LRRK1: variants seen among roughly 807,000 people sequenced by gnomAD.
LRRK1 encodes leucine rich repeat kinase 1, also known as leucine-rich repeat serine/threonine-protein kinase 1.
A neutral mutation model predicts 209.1 loss-of-function variants in LRRK1; 113 were observed. The ratio of observed to expected loss-of-function variants is 0.54; its 90% CI spans 0.46 to 0.63. The LOEUF (loss-of-function observed/expected upper bound fraction) is 0.63. Ranked by LOEUF, LRRK1 falls within the 30% of genes least tolerant of loss-of-function variation. LRRK1 has a pLI of 0.00. For synonymous variants in LRRK1, 1,144 were observed against 1,099.7 expected, an observed-to-expected ratio of 1.04 and a Z score of -0.80; for missense variants, 2,284 against 2,632.2, an observed-to-expected ratio of 0.87 and a Z score of 2.89.
rs2033943033 is a variant in LRRK1 at position 101,024,728 on chromosome 15, C to G, written c.2068-75C>G. ...CCCCGAGTCCAGCCTCCAGAGTTAT[C>G]CGTTGTCTCCGTTTGATTGACTGAA... On this transcript the variant is annotated intron_variant, in intron 15 of 33. Coordinates refer to ENST00000388948, the MANE Select transcript of LRRK1 (RefSeq NM_024652.6). The surrounding 1 kb of genome is among the most constrained non-coding windows in gnomAD (Gnocchi z 4.6). The G allele has an allele frequency of 2.0e-6, 3 of 1,486,698 alleles. No individual in the cohort carries two copies. Among genetic ancestry groups the G allele is most frequent in the Non-Finnish European group, 2.8e-6 (3 of 1,083,762 alleles). 92.1% of individuals were successfully genotyped at this position (1,486,698 alleles called of 1,614,324 possible). A position where few individuals can be genotyped will look rare whatever the true frequency, so the allele number is the denominator to read the frequency against.
intron 2 of LRRK1, among the ~76,000 whole-genome samples, chr15:100,952,042 T>G (rs2042666491): frequency 6.6e-6 from 1 of 151,962 alleles, no homozygotes; most frequent in Non-Finnish European, 1.5e-5. Flanking sequence ...TGAATAAGTC[T>G]TGAAAACATG....
chr15:100,990,823 A>G (rs1230080248), intron 6 of LRRK1, among the ~76,000 whole-genome samples: 7 of 150,806 alleles, frequency 4.6e-5, no homozygotes, highest in Non-Finnish European at 8.8e-5. Flanking sequence ...CTTTTGTGAT[A>G]GCAAAGGTAA....
In LRRK1 at chr15:101,046,137, G is replaced by A. The variant is rs753506336; in HGVS notation, c.3120G>A (p.Ala1040=). Residue 1040 remains alanine, a synonymous_variant, in exon 21 of 34, where the codon GCG becomes GCA. Transcript: ENST00000388948. ...TAGCACGGATGCTGATCAGCCTGGC[G>A]GAGATGGACCTGCAGGTATTATGGC... is the stretch of plus-strand genomic sequence containing the variant. ...RFIARMLISL[A]EMDLQLFENK... is the part of the protein sequence containing the mutation. The A allele has an allele frequency of 3.4e-5, 55 of 1,614,090 alleles. No individual in the cohort carries two copies. Among genetic ancestry groups the A allele is most frequent in the African/African-American group, 1.3e-4 (10 of 74,936 alleles).
rs746593625 is a variant in LRRK1, at chr15:101,024,956, C to T, written c.2221C>T (p.Leu741Phe). 3.7e-6 allele frequency: 6 copies of T among 1,613,494 alleles called. No individual in the cohort carries two copies. The highest frequency in any genetic ancestry group is 1.1e-5 in the South Asian group (1 of 91,082). Residue 741 changes from leucine to phenylalanine, a missense_variant, in exon 16 of 34, where the codon CTC (leucine) becomes TTC (phenylalanine). Physicochemically the swap from Leu to Phe is conservative, Grantham distance 22. This residue lies in a region of LRRK1 where 780 missense variants were observed against 985.2 expected (regional missense o/e 0.79). Transcript: ENST00000388948. This position sits in a 1 kb window ranked among gnomAD's most constrained non-coding sequence, Gnocchi z 4.6. ...EAVANLQFWL[L>F]NIEAKAPNAV... ...CGTGGCCAACCTCCAGTTCTGGCTGCTCAACATCGAGGTGAGGACACCAGA... is the reference window on the plus strand; with the variant it reads ...CGTGGCCAACCTCCAGTTCTGGCTGTTCAACATCGAGGTGAGGACACCAGA...
intron 2 of LRRK1, among the ~76,000 whole-genome samples, chr15:100,972,794 G>T (rs992697435): frequency 2.0e-5 from 3 of 152,110 alleles, no homozygotes; most frequent in Non-Finnish European, 2.9e-5. Flanking sequence ...CACACAGTCA[G>T]AATTCAACTG....
At chr15:100,939,139 A>C (rs1232328269) in intron 2 of LRRK1, among the ~76,000 whole-genome samples, 1 of 152,184 alleles carries the variant, frequency 6.6e-6, no homozygotes, top group African/African-American at 2.4e-5. Context: ...GTCAGTGTTC[A>C]AATGTCCTGC....
At position 101,022,011 on chromosome 15, in the gene LRRK1, A is replaced by C; in HGVS notation, c.1852+54A>C. Reference sequence around the variant, plus strand: ...CATCACCTCTTGGAAAGACAACTCCAGTCCACTTGTTAAGTTCTGGGGGTG... The same window carrying C: ...CATCACCTCTTGGAAAGACAACTCCCGTCCACTTGTTAAGTTCTGGGGGTG... On this transcript the variant is annotated intron_variant, in intron 14 of 33. Transcript: ENST00000388948. The surrounding 1 kb of genome is among the most constrained non-coding windows in gnomAD (Gnocchi z 4.0). The C allele has an allele frequency of 2.3e-6, 3 of 1,279,938 alleles. No individual in the cohort carries two copies. The highest frequency in any genetic ancestry group is 2.2e-6 in the Non-Finnish European group (2 of 890,686). 79.3% of individuals were successfully genotyped at this position (1,279,938 alleles called of 1,614,324 possible).
intron 29 of LRRK1, among the ~76,000 whole-genome samples, chr15:101,060,876 C>T (rs926136856): frequency 5.3e-5 from 8 of 152,246 alleles, no homozygotes; most frequent in Admixed American, 3.9e-4. Flanking sequence ...ATAACAGGGG[C>T]GGGCAGGATA....
intron 29 of LRRK1, among the ~76,000 whole-genome samples, chr15:101,058,502 ATC>A (rs2035946382): frequency 6.6e-6 from 1 of 151,200 alleles, no homozygotes; most frequent in African/African-American, 2.4e-5. Context: ...GCAAGACCCC[ATC>A]TTTTAAAAAA....
chr15:101,049,368 G>T, intron 22 of LRRK1: 1 of 362,712 alleles, frequency 2.8e-6, no homozygotes, highest in Non-Finnish European at 5.0e-6. Flanking sequence ...GGGAGGTCTG[G>T]GAACTTCCTT....
At position 100,962,823 on chromosome 15, in the gene LRRK1, A is replaced by ATATATATTTT; in HGVS notation, c.98-10980_98-10979insATATATTTTT. On this transcript the variant is annotated intron_variant, in intron 2 of 33. Coordinates refer to ENST00000388948, the MANE Select transcript of LRRK1 (RefSeq NM_024652.6). ...TATATATATATATATATATATATAT[A>ATATATATTTT]TTTTTTTTTTTTTTTTTGAGATGGA... is the stretch of plus-strand genomic sequence containing the variant. Among the ~76,000 whole-genome samples the ATATATATTTT allele has an allele frequency of 5.2e-4, 6 of 11,548 alleles. 1 individual carries two copies. Among genetic ancestry groups the ATATATATTTT allele is most frequent in the African/African-American group, 1.5e-3 (6 of 3,962 alleles). The allele number at this position is 11,548 out of a possible 152,430, so 7.6% of individuals were successfully genotyped here.
At chr15:100,932,755 C>G (rs1457390595) in intron 2 of LRRK1, among the ~76,000 whole-genome samples, 1 of 152,172 alleles carries the variant, frequency 6.6e-6, no homozygotes, top group East Asian at 1.9e-4. Context: ...ATGCCTGCAC[C>G]TCTCTATTGC....
chr15:100,976,639 A>T (rs965740510), intron 3 of LRRK1, among the ~76,000 whole-genome samples: 9 of 152,218 alleles, frequency 5.9e-5, no homozygotes, highest in African/African-American at 1.9e-4. Context: ...CAAATTTTCA[A>T]ATTTCATTAT....
At chr15:101,032,525 C>G (rs1437579814) in intron 20 of LRRK1, among the ~76,000 whole-genome samples, 1 of 149,074 alleles carries the variant, frequency 6.7e-6, no homozygotes, top group African/African-American at 2.5e-5. Flanking sequence ...TGAAGTCTAA[C>G]TTTTAAATTG....
intron 2 of LRRK1, among the ~76,000 whole-genome samples, chr15:100,937,587 T>C (rs1313565457): frequency 6.6e-6 from 1 of 152,020 alleles, no homozygotes; most frequent in Non-Finnish European, 1.5e-5. Context: ...CAGGCTGGAG[T>C]GCAGTGGCGC....
At chr15:100,926,798 C>T (rs751991107) in intron 2 of LRRK1, among the ~76,000 whole-genome samples, 3 of 150,708 alleles carry the variant, frequency 2.0e-5, no homozygotes, top group East Asian at 1.9e-4. Context: ...GATTCTCCTG[C>T]CTCAGCCTCC....
chr15:101,052,841 C>A, intron 24 of LRRK1, 81 bp from the exon 25 acceptor site: 1 of 1,481,904 alleles, frequency 6.7e-7, no homozygotes, highest in Non-Finnish European at 9.1e-7. Flanking sequence ...TGACTCTCGG[C>A]CGTTGGGGCA....
chr15:100,937,842 T>C (rs2042330908), intron 2 of LRRK1, among the ~76,000 whole-genome samples: 1 of 151,264 alleles, frequency 6.6e-6, no homozygotes, highest in Non-Finnish European at 1.5e-5. Flanking sequence ...GCCTATTTAT[T>C]TCTTTATTTA....
chr15:100,941,485 T>TGC (rs2042435980), intron 2 of LRRK1, among the ~76,000 whole-genome samples: 1 of 148,338 alleles, frequency 6.7e-6, no homozygotes, highest in Non-Finnish European at 1.5e-5. Context: ...TGTGTGTGTG[T>TGC]GTGTGTGTGT....
Sources: gnomAD v4.1 joint callset for allele counts (sites outside exome capture counted in the v4.1 genomes callset) on GRCh38, gnomAD v4.1.1 for gene constraint, gnomAD v4.1.1 regional missense constraint, Gnocchi (gnomAD v3.1) non-coding constraint, MANE v1.5 for transcripts, NCBI Gene and HGNC (gene_info 2026-07-23, HGNC 2026-07-21) for gene names.